Variants in TPST2 observed in about 807,000 individuals in gnomAD.
TPST2 encodes the protein protein-tyrosine sulfotransferase 2.
Under a neutral mutation model 27.8 loss-of-function variants are expected in TPST2, and 16 were observed. The ratio of observed to expected loss-of-function variants is 0.58; its 90% CI spans 0.39 to 0.88. The LOEUF is 0.88. TPST2 is among the 40% of genes least tolerant of loss of function. TPST2 has a pLI of 0.00. For missense variants in TPST2, 464 were observed against 543.1 expected (o/e 0.85, Z 1.45); for synonymous variants, 229 against 231.7 (o/e 0.99, Z 0.10).
intron 1 of TPST2, 30 bp from the exon 2 acceptor site, chr22:26,544,705 G>A (rs1484880712): frequency 3.0e-6 from 3 of 984,366 alleles, no homozygotes; most frequent in East Asian, 1.1e-4. Context: ...ATTGCATCAG[G>A]GATGGGCACT....
intron 4 of TPST2, 118 bp downstream of exon 4, chr22:26,536,170 A>G (rs1288142917): frequency 7.8e-7 from 1 of 1,277,720 alleles, no homozygotes; most frequent in African/African-American, 1.5e-5. Context: ...AGACAGGAAC[A>G]AATCAGATGA....
intron 1 of TPST2, among the ~76,000 whole-genome samples, chr22:26,570,400 G>A (rs188130534): frequency 6.6e-4 from 101 of 152,248 alleles, no homozygotes; most frequent in East Asian, 3.3e-3. Context: ...GCCAGGCCAC[G>A]GTGGCTTTTG....
intron 1 of TPST2, among the ~76,000 whole-genome samples, chr22:26,583,436 CAAAAAAAAA>C (rs775047318): frequency 1.6e-5 from 1 of 63,648 alleles, no homozygotes; most frequent in African/African-American, 6.6e-5. Flanking sequence ...AACTCCATCT[CAAAAAAAAA>C]AAAAAAAAAA....
intron 1 of TPST2, among the ~76,000 whole-genome samples, chr22:26,589,639 T>C (rs1928475132): frequency 6.6e-6 from 1 of 152,098 alleles, no homozygotes; most frequent in Non-Finnish European, 1.5e-5. Context: ...CAAGTTAACT[T>C]CCACGCGCCC....
At chr22:26,583,848 A>C (rs1928225880) in intron 1 of TPST2, among the ~76,000 whole-genome samples, 1 of 152,308 alleles carries the variant, frequency 6.6e-6, no homozygotes, top group East Asian at 1.9e-4. Flanking sequence ...CTCAAAAAAA[A>C]AAAATTGTTT....
chr22:26,584,553 C>T (rs189457339), intron 1 of TPST2, among the ~76,000 whole-genome samples: 2 of 152,222 alleles, frequency 1.3e-5, no homozygotes, highest in Non-Finnish European at 2.9e-5. Context: ...GTAACCCCAG[C>T]ACTTGAGAGG....
chr22:26,527,030 G>A (rs934300911), intron 6 of TPST2, among the ~76,000 whole-genome samples: 1 of 152,212 alleles, frequency 6.6e-6, no homozygotes, highest in Non-Finnish European at 1.5e-5. Flanking sequence ...TGTGAGCTGA[G>A]ATCGTGCCAC....
intron 1 of TPST2, among the ~76,000 whole-genome samples, chr22:26,585,856 C>T (rs1481904347): frequency 6.6e-6 from 1 of 152,102 alleles, no homozygotes; most frequent in South Asian, 2.1e-4. Context: ...CGAGACCATC[C>T]TGGCTAACAC....
intron 1 of TPST2, among the ~76,000 whole-genome samples, chr22:26,580,299 G>C (rs1033267796): frequency 1.8e-4 from 28 of 152,278 alleles, no homozygotes; most frequent in African/African-American, 6.3e-4. Context: ...ATGAGCACTA[G>C]CAGCAGCCTG....
intron 5 of TPST2, among the ~76,000 whole-genome samples, 181 bp downstream of exon 5, chr22:26,532,514 C>T (rs748572780): frequency 2.6e-5 from 4 of 152,142 alleles, no homozygotes; most frequent in East Asian, 1.9e-4. Flanking sequence ...CTCCTGACCT[C>T]GTGATCTGCC....
rs1311499536 is a variant in TPST2 at position 26,523,616 on chromosome 22, A to C, written c.*2659T>G. 1 of 152,022 alleles carries C rather than the reference A, an allele frequency of 6.6e-6. No homozygotes were observed. The highest frequency in any genetic ancestry group is 1.5e-5 in the Non-Finnish European group (1 of 68,004). The allele number at this position is 152,022 out of a possible 1,614,324, so 9.4% of individuals were successfully genotyped here. On this transcript the variant is annotated 3_prime_UTR_variant, in exon 7 of 7. Coordinates refer to ENST00000338754, the MANE Select transcript of TPST2 (RefSeq NM_003595.5). Reference sequence around the variant, plus strand: ...TATTTTATTTTTGAGATGGAGTCTCACTCTGTTGCCCAGGCTGGAGTGTAC... The same window carrying C: ...TATTTTATTTTTGAGATGGAGTCTCCCTCTGTTGCCCAGGCTGGAGTGTAC...
chr22:26,586,236 C>CT (rs907915657), intron 1 of TPST2, among the ~76,000 whole-genome samples: 2 of 151,754 alleles, frequency 1.3e-5, no homozygotes, highest in East Asian at 1.9e-4. Flanking sequence ...TTCTTTCTTT[C>CT]TTTTTTTAAT....
chr22:26,579,982 C>CG (rs1474935486), intron 1 of TPST2, among the ~76,000 whole-genome samples: 3 of 152,038 alleles, frequency 2.0e-5, no homozygotes, highest in Non-Finnish European at 4.4e-5. Context: ...CAGAGGCTTA[C>CG]GTCTGTAATC....
intron 4 of TPST2, among the ~76,000 whole-genome samples, chr22:26,535,402 G>A (rs1361458947): frequency 1.3e-5 from 2 of 152,200 alleles, no homozygotes; most frequent in East Asian, 3.8e-4. Context: ...TAAACTAGAA[G>A]CTGTAATGGA....
chr22:26,552,767 AAG>A (rs1035472351), intron 1 of TPST2, among the ~76,000 whole-genome samples: 3 of 152,230 alleles, frequency 2.0e-5, no homozygotes, highest in African/African-American at 7.2e-5. Flanking sequence ...ATATCACGAA[AAG>A]ACACTATCAG....
chr22:26,553,372 T>A (rs1478415697), intron 1 of TPST2, among the ~76,000 whole-genome samples: 6 of 150,200 alleles, frequency 4.0e-5, no homozygotes, highest in African/African-American at 1.2e-4. Context: ...CCTGGCAGTT[T>A]TTTTTTTTTT....
chr22:26,560,651 TAAG>T, intron 1 of TPST2: 3 of 1,315,410 alleles, frequency 2.3e-6, no homozygotes, highest in South Asian at 2.4e-5. Flanking sequence ...CAGAGTTTTC[TAAG>T]AAGTGCTCAG....
chr22:26,585,111 C>T (rs370754297), intron 1 of TPST2, among the ~76,000 whole-genome samples: 19 of 152,238 alleles, frequency 1.2e-4, no homozygotes, highest in African/African-American at 4.6e-4. Flanking sequence ...AAACAGCCAA[C>T]AGCCCCAGAA....
intron 2 of TPST2, among the ~76,000 whole-genome samples, chr22:26,542,610 G>C (rs193005190): frequency 6.6e-6 from 1 of 152,194 alleles, no homozygotes; most frequent in Non-Finnish European, 1.5e-5. Context: ...GAGAGAGATT[G>C]ATGGGTTCTA....
Sources: gnomAD v4.1 joint callset for allele counts (sites outside exome capture counted in the v4.1 genomes callset) on GRCh38, gnomAD v4.1.1 for gene constraint, MANE v1.5 for transcripts, NCBI Gene and HGNC (gene_info 2026-07-23, HGNC 2026-07-21) for gene names.